ZBBX: variants seen among roughly 807,000 people sequenced by gnomAD.
The protein encoded by ZBBX is zinc finger B-box domain-containing protein 1.
Under a neutral mutation model 108.5 loss-of-function variants are expected in ZBBX, and 101 were observed. That is an observed-to-expected ratio of 0.93 (90% confidence interval 0.79 to 1.10). ZBBX has a LOEUF of 1.10. ZBBX is among the 50% of genes least tolerant of loss of function. The pLI, the probability that ZBBX is intolerant of heterozygous loss-of-function variation, is 0.00. For synonymous variants in ZBBX, 356 were observed against 323.4 expected (o/e 1.10, Z -1.08); for missense variants, 1,009 against 941.4 (o/e 1.07, Z -0.94).
the ZBBX span, among the ~76,000 whole-genome samples, chr3:167,212,292 A>G: frequency 1.3e-5 from 2 of 152,020 alleles, no homozygotes; most frequent in Non-Finnish European, 2.9e-5. Flanking sequence ...ATATCTTCTC[A>G]CCGAGCAGTT....
At chr3:167,241,150 A>G (rs1197852153) in intron 21 of ZBBX, among the ~76,000 whole-genome samples, 1 of 152,174 alleles carries the variant, frequency 6.6e-6, no homozygotes, top group African/African-American at 2.4e-5. Context: ...AGTAGAATCA[A>G]GGAGAGACTT....
the ZBBX span, among the ~76,000 whole-genome samples, chr3:167,189,982 T>C: frequency 6.6e-6 from 1 of 152,248 alleles, no homozygotes; most frequent in Non-Finnish European, 1.5e-5. Context: ...AGGGTCCAGG[T>C]AGAGCTACCT....
At chr3:167,334,054 T>C (rs1739126000) in intron 9 of ZBBX, 69 bp from the exon 10 acceptor site, 1 of 1,040,866 alleles carries the variant, frequency 9.6e-7, no homozygotes, top group South Asian at 2.4e-5. Context: ...ATACATTAAC[T>C]CATATTTGTG....
chr3:167,348,356 G>GAAAGGA (rs1741994397), intron 9 of ZBBX, among the ~76,000 whole-genome samples: 1 of 115,016 alleles, frequency 8.7e-6, no homozygotes, highest in South Asian at 3.0e-4. Context: ...AAGAAAGAAA[G>GAAAGGA]AAAGAAAGAA....
chr3:167,262,241 C>A (rs1294602332), intron 20 of ZBBX, among the ~76,000 whole-genome samples: 1 of 152,128 alleles, frequency 6.6e-6, no homozygotes, highest in Non-Finnish European at 1.5e-5. Flanking sequence ...CAGGAGCAGT[C>A]TGCTTTCTTC....
chr3:167,362,587 T>C (rs547944257), intron 6 of ZBBX, among the ~76,000 whole-genome samples: 46 of 152,254 alleles, frequency 3.0e-4, no homozygotes, highest in African/African-American at 1.1e-3. Context: ...GTGGATCTTC[T>C]ATTAAATAGT....
chr3:167,372,408 C>T (rs1746296484), intron 4 of ZBBX, among the ~76,000 whole-genome samples: 1 of 152,160 alleles, frequency 6.6e-6, no homozygotes. Context: ...TCCCAGTCAT[C>T]TAGGACAGAC....
the ZBBX span, among the ~76,000 whole-genome samples, chr3:167,191,308 G>A: frequency 2.6e-5 from 4 of 152,144 alleles, no homozygotes; most frequent in African/African-American, 9.7e-5. Context: ...ATTCTGGATG[G>A]AATCATCTTT....
downstream of ZBBX, among the ~76,000 whole-genome samples, chr3:167,235,029 T>C (rs964669241): frequency 1.3e-5 from 2 of 151,738 alleles, no homozygotes; most frequent in African/African-American, 4.8e-5. Flanking sequence ...TAGTAAGATG[T>C]AGCTGCTGTA....
intron 12 of ZBBX, among the ~76,000 whole-genome samples, chr3:167,320,673 A>G (rs576403563): frequency 2.6e-5 from 4 of 152,124 alleles, no homozygotes; most frequent in African/African-American, 9.6e-5. Context: ...GAAACTTAGC[A>G]CCACCTTAAC....
intron 10 of ZBBX, among the ~76,000 whole-genome samples, chr3:167,328,696 C>G (rs1180949000): frequency 1.3e-5 from 2 of 152,142 alleles, no homozygotes; most frequent in Non-Finnish European, 2.9e-5. Flanking sequence ...ACCCATCAAG[C>G]ACATTGCCTC....
rs74798654 is a variant in ZBBX, at chr3:167,356,301, A to T, written c.432+3569T>A. ...TGCCAAACATCATATCAAATAAGAAAATAATATAATGTAATAAGAAGAGTA... is the reference window on the plus strand; with the variant it reads ...TGCCAAACATCATATCAAATAAGAATATAATATAATGTAATAAGAAGAGTA... On this transcript the variant is annotated intron_variant, in intron 8 of 21. Coordinates refer to ENST00000675490, the MANE Select transcript of ZBBX (RefSeq NM_001199201.2). 1.4e-4 allele frequency among the ~76,000 whole-genome samples: 21 copies of T among 152,200 alleles called. No individual in the cohort carries two copies. The East Asian group carries it at 4.0e-3, about 29-fold the overall frequency.
At chr3:167,351,731 T>C (rs951372565) in intron 8 of ZBBX, among the ~76,000 whole-genome samples, 1 of 152,134 alleles carries the variant, frequency 6.6e-6, no homozygotes. Flanking sequence ...CTGGAGCCCA[T>C]ACCCCAAGGG....
At position 167,359,977 on chromosome 3, in the gene ZBBX, G is replaced by A; in HGVS notation, c.325C>T (p.Pro109Ser). The A allele has an allele frequency of 6.5e-7, 1 of 1,545,464 alleles. No individual in the cohort carries two copies. Among genetic ancestry groups the A allele is most frequent in the Non-Finnish European group, 8.8e-7 (1 of 1,134,608 alleles). Residue 109 changes from proline (P) to serine (S), a missense_variant and splice_region_variant, in exon 8 of 22, where the codon CCA becomes TCA. By Grantham distance (74) the Pro-to-Ser change is moderately conservative. Coordinates refer to ENST00000675490, the MANE Select transcript of ZBBX (RefSeq NM_001199201.2). Reference sequence around the variant, plus strand: ...TTATAATTAACTGTTGGTTTCACTGGCTCTGCAAGATAAAAAATAATATTA... The same window carrying A: ...TTATAATTAACTGTTGGTTTCACTGACTCTGCAAGATAAAAAATAATATTA... ...LKLLKEQIQE[P>S]VKPTVNYKMA...
the ZBBX span, among the ~76,000 whole-genome samples, chr3:167,181,872 A>G: frequency 6.6e-6 from 1 of 152,290 alleles, no homozygotes; most frequent in East Asian, 1.9e-4. Flanking sequence ...TCCTGTTGGC[A>G]CTTTTTGTAG....
the ZBBX span, among the ~76,000 whole-genome samples, chr3:167,223,598 C>T: frequency 6.6e-6 from 1 of 151,852 alleles, no homozygotes; most frequent in African/African-American, 2.4e-5. Flanking sequence ...TCTTTCATGT[C>T]AATTCTAGCT....
chr3:167,392,194 A>G (rs2108637470), intron 1 of ZBBX, among the ~76,000 whole-genome samples: 1 of 151,862 alleles, frequency 6.6e-6, no homozygotes, highest in East Asian at 1.9e-4. Flanking sequence ...TCAGCATAAC[A>G]TTTTTGTGAT....
the ZBBX span, among the ~76,000 whole-genome samples, chr3:167,181,755 T>C: frequency 1.3e-5 from 2 of 152,208 alleles, no homozygotes; most frequent in African/African-American, 2.4e-5. Context: ...AATTTCCCCA[T>C]TGTAATCTGA....
Position 167,240,794 on chromosome 3 carries a change from T to C in ZBBX, c.2519A>G (p.Ter840=). 6.2e-7 allele frequency: 1 copy of C among 1,612,428 alleles called. No individual in the cohort carries two copies. Among genetic ancestry groups the C allele is most frequent in the Non-Finnish European group, 8.5e-7 (1 of 1,178,974 alleles). Residue 840 remains the stop codon, a stop_retained_variant, in exon 22 of 22, where the codon TAA becomes TGA. Transcript: ENST00000675490. The part of the protein sequence containing the change: ...VITLPWSKST[*] ...GAAACAGTAATGAACAAATAATCTT[T>C]AAGTACTCTTTGACCACGGTAGTGT...
Sources: gnomAD v4.1 joint callset for allele counts (sites outside exome capture counted in the v4.1 genomes callset) on GRCh38, gnomAD v4.1.1 for gene constraint, MANE v1.5 for transcripts, NCBI Gene and HGNC (gene_info 2026-07-23, HGNC 2026-07-21) for gene names.